The following FNDC3B variants were observed in gnomAD, a reference collection of about 807,000 sequenced individuals.
FNDC3B encodes fibronectin type III domain containing 3B.
A neutral mutation model predicts 151.5 loss-of-function variants in FNDC3B; 12 were observed. The observed-to-expected ratio is 0.08, with a 90% confidence interval of 0.05 to 0.13. FNDC3B has a LOEUF of 0.13. Ranked by LOEUF, FNDC3B falls within the 10% of genes least tolerant of loss-of-function variation. FNDC3B has a pLI of 1.00. For missense variants in FNDC3B, 1,214 were observed against 1,505.3 expected (o/e 0.81, Z 3.20); for synonymous variants, 528 against 549.0 (o/e 0.96, Z 0.54).
chr3:172,336,420 G>T (rs533934748), intron 15 of FNDC3B, among the ~76,000 whole-genome samples: 9 of 152,284 alleles, frequency 5.9e-5, no homozygotes, highest in African/African-American at 1.9e-4. Flanking sequence ...TTCTTCCTCA[G>T]ACTGTCTGCT....
At chr3:172,303,224 C>T (rs1731022546) in intron 9 of FNDC3B, among the ~76,000 whole-genome samples, 1 of 152,040 alleles carries the variant, frequency 6.6e-6, no homozygotes, top group Non-Finnish European at 1.5e-5. Context: ...ATATCTTTAT[C>T]AGCGATAGGA....
In FNDC3B at chr3:172,260,896, A is replaced by G. The variant is rs368775241; in HGVS notation, c.790+9355A>G. ...GGCCTGCTTGATTCTGTTTGAACCC[A>G]CTCAGCAAATTAACCACTCTAAGTT... On this transcript the variant is annotated intron_variant, in intron 6 of 25. Coordinates refer to ENST00000415807, the MANE Select transcript of FNDC3B (RefSeq NM_022763.4). Among the ~76,000 whole-genome samples the G allele has an allele frequency of 7.9e-5, 12 of 152,226 alleles. No homozygotes were observed. In the East Asian group the frequency reaches 2.1e-3, roughly 27 times the overall value.
chr3:172,357,203 G>T (rs1307079792), intron 22 of FNDC3B, among the ~76,000 whole-genome samples: 1 of 152,078 alleles, frequency 6.6e-6, no homozygotes, highest in Non-Finnish European at 1.5e-5. Flanking sequence ...GATGGATATT[G>T]CAGACTCCTG....
chr3:172,389,845 G>GAC (rs1735915728), intron 25 of FNDC3B, among the ~76,000 whole-genome samples: 1 of 152,082 alleles, frequency 6.6e-6, no homozygotes, highest in Non-Finnish European at 1.5e-5. Flanking sequence ...CAGCCTGGGC[G>GAC]AGAGCGAGAC....
At position 172,397,146 on chromosome 3, in the gene FNDC3B, A is replaced by C; in HGVS notation, c.3304-18A>C. The C allele has an allele frequency of 6.4e-7, 1 of 1,574,312 alleles. No individual in the cohort carries two copies. ...TGTTGCTATAAATTAATTAACTAGG[A>C]CTCTTCTTTTCCTGAAGGTGTACAA... On this transcript the variant is annotated intron_variant, in intron 25 of 25. Coordinates refer to ENST00000415807, the MANE Select transcript of FNDC3B (RefSeq NM_022763.4).
chr3:172,218,908 T>C (rs1022138803), intron 3 of FNDC3B, among the ~76,000 whole-genome samples: 2 of 152,216 alleles, frequency 1.3e-5, no homozygotes, highest in Admixed American at 6.5e-5. Context: ...ACCTAGCTTC[T>C]GTGTGAAAAT....
intron 3 of FNDC3B, among the ~76,000 whole-genome samples, chr3:172,171,823 C>G (rs1723300623): frequency 1.3e-5 from 2 of 151,728 alleles, no homozygotes; most frequent in Non-Finnish European, 2.9e-5. Context: ...TGGGGTTTTC[C>G]CCTATAAACA....
At chr3:172,230,580 T>A (rs73027370) in intron 4 of FNDC3B, among the ~76,000 whole-genome samples, 6 of 151,748 alleles carry the variant, frequency 4.0e-5, no homozygotes, top group Admixed American at 2.6e-4. Flanking sequence ...ACAAACAATA[T>A]GTTTCAGAAA....
chr3:172,041,247 A>C (rs1471315936), intron 1 of FNDC3B, among the ~76,000 whole-genome samples: 3 of 151,774 alleles, frequency 2.0e-5, no homozygotes, highest in African/African-American at 7.3e-5. Context: ...GCACCCCCTG[A>C]TTGCTTGTCT....
chr3:172,137,444 C>A (rs1176642051), intron 3 of FNDC3B, among the ~76,000 whole-genome samples: 1 of 152,030 alleles, frequency 6.6e-6, no homozygotes, highest in Non-Finnish European at 1.5e-5. Context: ...TTGCTTGAGG[C>A]CAGGAGTTAA....
At chr3:172,134,957 T>G (rs949067635) in intron 3 of FNDC3B, among the ~76,000 whole-genome samples, 2 of 150,502 alleles carry the variant, frequency 1.3e-5, no homozygotes, top group Non-Finnish European at 3.0e-5. Flanking sequence ...CGTGAACAAT[T>G]AAAACCTCAG....
At chr3:172,327,059 C>T (rs770027213) in intron 11 of FNDC3B, among the ~76,000 whole-genome samples, 20 of 152,102 alleles carry the variant, frequency 1.3e-4, no homozygotes, top group Non-Finnish European at 2.4e-4. Flanking sequence ...AGAGTGTGAT[C>T]GGATGCTGGG....
intron 1 of FNDC3B, among the ~76,000 whole-genome samples, chr3:172,068,341 T>A (rs1717606182): frequency 1.3e-5 from 2 of 152,266 alleles, no homozygotes; most frequent in Non-Finnish European, 2.9e-5. Context: ...ATCCCTCTGT[T>A]TCCTCAGACA....
intron 6 of FNDC3B, among the ~76,000 whole-genome samples, chr3:172,271,043 T>C (rs1338876281): frequency 1.4e-4 from 22 of 152,356 alleles, no homozygotes; most frequent in Admixed American, 3.3e-4. Flanking sequence ...TGGTCTTGTA[T>C]TTCCTTCCAG....
At chr3:172,255,791 A>T (rs1297079080) in intron 6 of FNDC3B, among the ~76,000 whole-genome samples, 5 of 152,306 alleles carry the variant, frequency 3.3e-5, no homozygotes, top group Admixed American at 2.6e-4. Flanking sequence ...ACCAGATCTC[A>T]CACATCTCCT....
At chr3:172,278,466 A>G (rs1560053576) in intron 6 of FNDC3B, among the ~76,000 whole-genome samples, 1 of 152,238 alleles carries the variant, frequency 6.6e-6, no homozygotes, top group Non-Finnish European at 1.5e-5. Context: ...CAAGAGCAGT[A>G]TCTGGCAGAG....
intron 9 of FNDC3B, among the ~76,000 whole-genome samples, chr3:172,299,468 A>G (rs567065462): frequency 1.3e-5 from 2 of 152,362 alleles, no homozygotes; most frequent in East Asian, 3.9e-4. Context: ...GATTATTTAA[A>G]GATACATCCA....
intron 14 of FNDC3B, among the ~76,000 whole-genome samples, chr3:172,334,326 C>A (rs965686448): frequency 7.5e-6 from 1 of 133,542 alleles, no homozygotes; most frequent in Admixed American, 8.1e-5. Flanking sequence ...TGTCCCCCCC[C>A]CCACCCCCAT....
chr3:172,190,003 T>TA (rs1724421338), intron 3 of FNDC3B, among the ~76,000 whole-genome samples: 1 of 152,294 alleles, frequency 6.6e-6, no homozygotes, highest in South Asian at 2.1e-4. Flanking sequence ...AGGAAACTGA[T>TA]ACGTCAAGTC....
Sources: allele counts gnomAD v4.1 joint callset (sites outside exome capture counted in the v4.1 genomes callset), GRCh38; gene constraint gnomAD v4.1.1; transcripts MANE v1.5; gene names NCBI Gene and HGNC (gene_info 2026-07-23, HGNC 2026-07-21).